Variants in TTLL8 observed in about 807,000 individuals in gnomAD.
The protein encoded by TTLL8 is tubulin tyrosine ligase like 8.
TTLL8 carries 65 observed loss-of-function variants against 77.8 expected under a neutral mutation model. The observed-to-expected ratio is 0.84, with a 90% confidence interval of 0.68 to 1.03. The LOEUF is 1.03. Among genes scored for constraint, TTLL8 ranks in the 50% least tolerant of loss-of-function variants. The probability of loss-of-function intolerance (pLI) is 0.00; values close to 1 mark genes in which losing one functional copy is unlikely to be tolerated. For missense variants in TTLL8, 910 were observed against 1,004.5 expected, an observed-to-expected ratio of 0.91 and a Z score of 1.27; for synonymous variants, 402 against 422.8, an observed-to-expected ratio of 0.95 and a Z score of 0.60.
At chr22:50,043,877 G>A (rs1474030949) in intron 6 of TTLL8, among the ~76,000 whole-genome samples, 1 of 152,178 alleles carries the variant, frequency 6.6e-6, no homozygotes, top group Non-Finnish European at 1.5e-5. Context: ...GGGGGATGAA[G>A]AGACAGAGCA....
At chr22:50,019,485 G>T (rs982419278) in intron 12 of TTLL8, among the ~76,000 whole-genome samples, 5 of 152,136 alleles carry the variant, frequency 3.3e-5, no homozygotes, top group Admixed American at 2.6e-4. Context: ...TGATGTCTTG[G>T]GTGAGGTCAT....
chr22:50,039,884 G>A (rs1449152221), intron 8 of TTLL8, among the ~76,000 whole-genome samples: 1 of 150,104 alleles, frequency 6.7e-6, no homozygotes, highest in Non-Finnish European at 1.5e-5. Flanking sequence ...GTGTGTCGGT[G>A]TGGACAGACC....
chr22:50,028,313 G>T (rs565890271), intron 12 of TTLL8, among the ~76,000 whole-genome samples: 1 of 152,212 alleles, frequency 6.6e-6, no homozygotes, highest in South Asian at 2.1e-4. Context: ...TCCTTTGGTC[G>T]GCAACATTGC....
intron 3 of TTLL8, among the ~76,000 whole-genome samples, chr22:50,048,974 A>G (rs1179063201): frequency 6.6e-6 from 1 of 152,222 alleles, no homozygotes. Flanking sequence ...CAGCTTCCAC[A>G]TGCGCACAGC....
At chr22:50,029,485 T>TA (rs1434061662) in intron 12 of TTLL8, among the ~76,000 whole-genome samples, 1 of 151,978 alleles carries the variant, frequency 6.6e-6, no homozygotes, top group African/African-American at 2.4e-5. Flanking sequence ...CTCACGCCTG[T>TA]AATCCCAGCA....
rs184952677 is a variant in TTLL8, at chr22:50,046,831, G to C, written c.393+337C>G. ...GAGGCGGGGGAGTGCCCGGTGCTGG[G>C]GGGAGCGGCACCTCTTCCCCTGGGG... On this transcript the variant is annotated intron_variant, in intron 4 of 13. Transcript: ENST00000266182. Among the ~76,000 whole-genome samples the C allele has an allele frequency of 5.9e-3, 893 of 152,322 alleles. 13 individuals carry two copies. The highest frequency in any genetic ancestry group is 0.02 in the African/African-American group (850 of 41,558).
intron 1 of TTLL8, among the ~76,000 whole-genome samples, chr22:50,050,618 A>G (rs979725573): frequency 6.6e-6 from 1 of 152,162 alleles, no homozygotes; most frequent in Non-Finnish European, 1.5e-5. Context: ...AAGTTGGGGG[A>G]AAAGAAAAGT....
chr22:50,052,932 C>T (rs2061451517), intron 1 of TTLL8, among the ~76,000 whole-genome samples: 1 of 152,178 alleles, frequency 6.6e-6, no homozygotes, highest in South Asian at 2.1e-4. Context: ...CTATAAACAG[C>T]TCACTCTGGC....
intron 12 of TTLL8, among the ~76,000 whole-genome samples, chr22:50,023,644 C>G (rs779102772): frequency 6.6e-6 from 1 of 151,932 alleles, no homozygotes; most frequent in Non-Finnish European, 1.5e-5. Context: ...AAGATCGCAC[C>G]GCTGCACTCC....
chr22:50,049,330 C>T lies in TTLL8; in HGVS notation c.191-8G>A, dbSNP rs780238911. The T allele has an allele frequency of 1.5e-6, 2 of 1,367,550 alleles. No homozygotes were observed. The highest frequency in any genetic ancestry group is 1.9e-5 in the Admixed American group (1 of 52,594). The allele number at this position is 1,367,550 out of a possible 1,614,324, so 84.7% of individuals were successfully genotyped here. A position where few individuals can be genotyped will look rare whatever the true frequency, so the allele number is the denominator to read the frequency against. ...CTTTGGCACATGTATCATCTGCCAA[C>T]AAAACACAGGGGAGGCCTGAACATG... On this transcript the variant is annotated splice_polypyrimidine_tract_variant and splice_region_variant and intron_variant, in intron 2 of 13. Transcript: ENST00000266182.
Position 50,034,198 on chromosome 22 carries a change from G to A in TTLL8, c.1039+147C>T. 3 of 1,057,842 alleles carry A rather than the reference G, an allele frequency of 2.8e-6. No individual in the cohort carries two copies. The highest frequency in any genetic ancestry group is 3.7e-6 in the Non-Finnish European group (3 of 819,988). 65.5% of individuals were successfully genotyped at this position (1,057,842 alleles called of 1,614,324 possible). ...CCTCCAGCTCTGCTCCAGCGCCTGA[G>A]TCCTGACCCCCACGCCTGCCTCGGC... On this transcript the variant is annotated intron_variant, in intron 9 of 13. Coordinates refer to ENST00000266182, the Ensembl canonical transcript of TTLL8. The surrounding 1 kb of genome is among the most constrained non-coding windows in gnomAD (Gnocchi z 4.1).
intron 8 of TTLL8, among the ~76,000 whole-genome samples, chr22:50,040,578 G>A (rs1188875063): frequency 6.6e-6 from 1 of 152,222 alleles, no homozygotes; most frequent in Non-Finnish European, 1.5e-5. Flanking sequence ...TCTCAAGTGG[G>A]CTGTGGCTAT....
At chr22:50,040,601 G>A (rs899843998) in intron 8 of TTLL8, among the ~76,000 whole-genome samples, 3 of 152,228 alleles carry the variant, frequency 2.0e-5, no homozygotes, top group South Asian at 2.1e-4. Context: ...AGGTGGACAC[G>A]TAAGCAAAAT....
chr22:50,058,242 AC>A (rs1461356819), upstream of TTLL8, among the ~76,000 whole-genome samples: 1 of 149,716 alleles, frequency 6.7e-6, no homozygotes, highest in Non-Finnish European at 1.5e-5. The surrounding 1 kb of genome is among the most constrained non-coding windows in gnomAD (Gnocchi z 4.2). Flanking sequence ...CGCATTGTGC[AC>A]CCCCGGTGCG....
rs2061398352 is a variant in TTLL8 at position 50,044,860 on chromosome 22, C to T, written c.643+395G>A. On this transcript the variant is annotated intron_variant, in intron 6 of 13. Transcript: ENST00000266182. This position sits in a 1 kb window ranked among gnomAD's most constrained non-coding sequence, Gnocchi z 4.2. ...TTCACATCCCTGTACCACCCAGGGGCGCCTCTCCCCTGGGCTTCCTGTGTC... is the reference window on the plus strand; with the variant it reads ...TTCACATCCCTGTACCACCCAGGGGTGCCTCTCCCCTGGGCTTCCTGTGTC... 6.6e-6 allele frequency among the ~76,000 whole-genome samples: 1 copy of T among 152,120 alleles called. No individual in the cohort carries two copies. Among genetic ancestry groups the T allele is most frequent in the Admixed American group, 6.5e-5 (1 of 15,276 alleles).
In TTLL8 at chr22:50,020,251, A is replaced by G. The variant is rs867087768; in HGVS notation, c.2204-3689T>C. Among the ~76,000 whole-genome samples, 818 of 134,916 alleles carry G rather than the reference A, an allele frequency of 6.1e-3. 5 individuals are homozygous for G. Among genetic ancestry groups the G allele is most frequent in the African/African-American group, 0.013 (452 of 34,886 alleles). The allele number at this position is 134,916 out of a possible 152,430, so 88.5% of individuals were successfully genotyped here. On this transcript the variant is annotated intron_variant, in intron 12 of 13. Coordinates refer to ENST00000266182, the Ensembl canonical transcript of TTLL8. ...TCTGACATGTACTCCTCCATCTGACATGCACTCCTCCATCTGACGTGCACT... is the reference window on the plus strand; with the variant it reads ...TCTGACATGTACTCCTCCATCTGACGTGCACTCCTCCATCTGACGTGCACT...
At chr22:50,033,617 G>A (rs983674483) in intron 9 of TTLL8, among the ~76,000 whole-genome samples, 172 bp from the exon 11 acceptor site, 4 of 152,236 alleles carry the variant, frequency 2.6e-5, no homozygotes, top group East Asian at 1.9e-4. Flanking sequence ...AAGGCTTAGC[G>A]CTCATGGATG....
rs73447939 is a variant in TTLL8, at chr22:50,037,075, G to C, written c.922-2613C>G. ...TGGAATGGATTATCTGGGCCATTGG[G>C]TATGTAGATGCCTAAACGTGTAAGA... On this transcript the variant is annotated intron_variant, in intron 8 of 13. Coordinates refer to ENST00000266182, the Ensembl canonical transcript of TTLL8. Among the ~76,000 whole-genome samples the C allele has an allele frequency of 5.5e-3, 837 of 152,302 alleles. 7 individuals carry two copies. The highest frequency in any genetic ancestry group is 0.019 in the African/African-American group (801 of 41,560).
intron 1 of TTLL8, 89 bp from the exon 4 acceptor site, chr22:50,050,336 G>A (rs2061437782): frequency 1.0e-6 from 1 of 968,554 alleles, no homozygotes; most frequent in Non-Finnish European, 1.4e-6. Flanking sequence ...TGTTAGTGCT[G>A]GTTTCTGAGA....
Sources: gnomAD v4.1 joint callset for allele counts (sites outside exome capture counted in the v4.1 genomes callset) on GRCh38, gnomAD v4.1.1 for gene constraint, Gnocchi (gnomAD v3.1) non-coding constraint, MANE v1.5 for transcripts, NCBI Gene and HGNC (gene_info 2026-07-23, HGNC 2026-07-21) for gene names.